The following TBC1D1 variants were observed in gnomAD, a reference collection of about 807,000 sequenced individuals.
TBC1D1 encodes the protein TBC1 (tre-2/USP6, BUB2, cdc16) domain family, member 1.
A neutral mutation model predicts 125.6 loss-of-function variants in TBC1D1; 89 were observed. The observed-to-expected ratio is 0.71, with a 90% CI of 0.60 to 0.85. The LOEUF is 0.85. Among genes scored for constraint, TBC1D1 ranks in the 40% least tolerant of loss-of-function variants. The pLI is 0.00. For synonymous variants in TBC1D1, 565 were observed against 564.1 expected, an observed-to-expected ratio of 1.00 and a Z score of -0.02; for missense variants, 1,377 against 1,469.2, an observed-to-expected ratio of 0.94 and a Z score of 1.03.
At chr4:38,023,238 T>G (rs1303062500) in intron 6 of TBC1D1, among the ~76,000 whole-genome samples, 3 of 131,240 alleles carry the variant, frequency 2.3e-5, no homozygotes, top group Non-Finnish European at 4.7e-5. Context: ...CAGAGCGAGA[T>G]GTCTCAAAAA....
At chr4:37,929,047 G>C (rs144881519) in intron 2 of TBC1D1, among the ~76,000 whole-genome samples, 16 of 152,322 alleles carry the variant, frequency 1.1e-4, no homozygotes, top group African/African-American at 3.8e-4. Context: ...CTTTGTTGGT[G>C]CTCTAAATGT....
At chr4:37,898,984 C>T (rs1196722884) in intron 1 of TBC1D1, among the ~76,000 whole-genome samples, 1 of 152,144 alleles carries the variant, frequency 6.6e-6, no homozygotes, top group African/African-American at 2.4e-5. Flanking sequence ...AGCCAGATTC[C>T]TGAGAGACCT....
chr4:38,066,868 AC>A (rs1365252746), intron 12 of TBC1D1, among the ~76,000 whole-genome samples: 1 of 152,108 alleles, frequency 6.6e-6, no homozygotes, highest in Non-Finnish European at 1.5e-5. Flanking sequence ...CAGCATGAGT[AC>A]TAACAAGATT....
At chr4:37,935,835 A>G (rs1724283414) in intron 2 of TBC1D1, among the ~76,000 whole-genome samples, 1 of 152,002 alleles carries the variant, frequency 6.6e-6, no homozygotes, top group African/African-American at 2.4e-5. Flanking sequence ...TCCTGGCCCC[A>G]CCATCCTGAA....
intron 2 of TBC1D1, among the ~76,000 whole-genome samples, chr4:37,903,025 G>A (rs753505479): frequency 3.3e-5 from 5 of 152,290 alleles, no homozygotes; most frequent in Admixed American, 2.0e-4. Context: ...ATAGTCATTC[G>A]TAAACTGTGT....
intron 2 of TBC1D1, among the ~76,000 whole-genome samples, chr4:37,919,000 T>C (rs1577848786): frequency 6.6e-6 from 1 of 152,040 alleles, no homozygotes; most frequent in Non-Finnish European, 1.5e-5. Flanking sequence ...GTTCTACTCC[T>C]TATAATATAA....
chr4:38,095,036 C>A (rs1223319398), intron 13 of TBC1D1, among the ~76,000 whole-genome samples: 1 of 152,022 alleles, frequency 6.6e-6, no homozygotes, highest in Non-Finnish European at 1.5e-5. Context: ...AATTGCTGAG[C>A]CTCCCAGCCT....
In TBC1D1 at chr4:38,116,890, A is replaced by G. The variant is rs564806436; in HGVS notation, c.2802+936A>G. On this transcript the variant is annotated intron_variant, in intron 16 of 19. Coordinates refer to ENST00000261439, the MANE Select transcript of TBC1D1 (RefSeq NM_015173.4). ...GCCAAGGACTTGCTTTGAGAGCACCAAATTATGTGATTCAAAATCTTTTCA... is the reference window on the plus strand; with the variant it reads ...GCCAAGGACTTGCTTTGAGAGCACCGAATTATGTGATTCAAAATCTTTTCA... 1.9e-4 allele frequency among the ~76,000 whole-genome samples: 29 copies of G among 152,350 alleles called. No homozygotes were observed. In the South Asian group the frequency reaches 5.4e-3, roughly 28 times the overall value.
rs750912128 is a variant in TBC1D1 at position 38,115,768 on chromosome 4, G to A, written c.2616G>A (p.Ser872=). The A allele has an allele frequency of 7.4e-6, 12 of 1,614,000 alleles. No homozygotes were observed. Among genetic ancestry groups the A allele is most frequent in the African/African-American group, 2.7e-5 (2 of 74,904 alleles). Reference sequence around the variant, plus strand: ...CCCAGCTTGGAGCAGGACAGCTATCGCTTTACAACATTTTGAAGGCCTACT... The same window carrying A: ...CCCAGCTTGGAGCAGGACAGCTATCACTTTACAACATTTTGAAGGCCTACT... The change falls in exon 16 of 20, where the codon TCG becomes TCA. Residue 872 remains serine, a synonymous_variant. Coordinates refer to ENST00000261439, the MANE Select transcript of TBC1D1 (RefSeq NM_015173.4).
intron 1 of TBC1D1, among the ~76,000 whole-genome samples, chr4:37,895,540 C>T (rs1223062976): frequency 6.6e-6 from 1 of 152,080 alleles, no homozygotes; most frequent in Non-Finnish European, 1.5e-5. Flanking sequence ...CTCATCTCTA[C>T]CAAAAATACA....
At chr4:37,906,359 G>A (rs13108308) in intron 2 of TBC1D1, among the ~76,000 whole-genome samples, 1 of 152,006 alleles carries the variant, frequency 6.6e-6, no homozygotes, top group African/African-American at 2.4e-5. Context: ...TGTTGGCCAG[G>A]CTGGTCTCGA....
intron 2 of TBC1D1, among the ~76,000 whole-genome samples, chr4:37,959,542 C>A (rs116669324): frequency 1.8e-3 from 280 of 152,272 alleles, no homozygotes; most frequent in African/African-American, 6.6e-3. Flanking sequence ...GCGACTCAAT[C>A]CTGTATTGTT....
chr4:37,955,653 A>G (rs779370869), intron 2 of TBC1D1, among the ~76,000 whole-genome samples: 26 of 152,202 alleles, frequency 1.7e-4, no homozygotes, highest in Admixed American at 1.4e-3. Context: ...TGCGAAACCC[A>G]TGGGTAAAGA....
intron 10 of TBC1D1, 104 bp downstream of exon 10, chr4:38,046,007 A>G: frequency 9.8e-7 from 1 of 1,021,344 alleles, no homozygotes; most frequent in Non-Finnish European, 1.5e-6. Context: ...GCTGCTTGCA[A>G]ATTTCTTGGC....
At chr4:38,048,465 C>A (rs964938896) in intron 10 of TBC1D1, among the ~76,000 whole-genome samples, 9 of 151,648 alleles carry the variant, frequency 5.9e-5, no homozygotes, top group African/African-American at 2.2e-4. Context: ...ATCAATATTT[C>A]ATAGTATGTT....
intron 2 of TBC1D1, among the ~76,000 whole-genome samples, chr4:37,914,904 G>T (rs889948151): frequency 6.6e-6 from 1 of 152,182 alleles, no homozygotes; most frequent in African/African-American, 2.4e-5. Flanking sequence ...CCACTCAAAA[G>T]TAGCCCCACA....
chr4:38,137,273 C>A lies in TBC1D1; in HGVS notation c.3445C>A (p.Arg1149=). The stretch of plus-strand genomic sequence containing the variant: ...GCAGACGGTGGAGGAGCTGCGGCGG[C>A]GGAGCGCAGAGCCCAGCGACCGGGA... Residue 1149 remains arginine, a synonymous_variant, in exon 20 of 20, where the codon CGG becomes AGG. Coordinates refer to ENST00000261439, the MANE Select transcript of TBC1D1 (RefSeq NM_015173.4). 1 of 1,611,720 alleles carries A rather than the reference C, an allele frequency of 6.2e-7. No individual in the cohort carries two copies.
intron 2 of TBC1D1, among the ~76,000 whole-genome samples, chr4:37,984,471 T>C (rs1293060425): frequency 1.3e-5 from 2 of 152,212 alleles, no homozygotes; most frequent in African/African-American, 2.4e-5. Flanking sequence ...TGGTACCTCA[T>C]AGATGTTTTA....
chr4:37,980,431 A>G (rs753446352), intron 2 of TBC1D1, among the ~76,000 whole-genome samples: 5 of 152,206 alleles, frequency 3.3e-5, no homozygotes, highest in Non-Finnish European at 5.9e-5. Context: ...GATGTCCCCA[A>G]CAACCTGTCA....
Sources: allele counts gnomAD v4.1 joint callset (sites outside exome capture counted in the v4.1 genomes callset), GRCh38; gene constraint gnomAD v4.1.1; transcripts MANE v1.5; gene names NCBI Gene and HGNC (gene_info 2026-07-23, HGNC 2026-07-21).